The following KIAA0753 variants were observed in gnomAD, a reference collection of about 807,000 sequenced individuals.
KIAA0753 encodes the protein protein moonraker.
Under a neutral mutation model 116.9 loss-of-function variants are expected in KIAA0753, and 114 were observed. The ratio of observed to expected loss-of-function variants is 0.98; its 90% confidence interval spans 0.84 to 1.14. KIAA0753 has a LOEUF of 1.14. Among genes scored for constraint, KIAA0753 ranks in the 50% most tolerant of loss-of-function variants. The pLI, the probability that KIAA0753 is intolerant of heterozygous loss-of-function variation, is 0.00. For synonymous variants in KIAA0753, 405 were observed against 413.1 expected, an observed-to-expected ratio of 0.98 and a Z score of 0.24; for missense variants, 1,156 against 1,172.4, an observed-to-expected ratio of 0.99 and a Z score of 0.20.
intron 15 of KIAA0753, among the ~76,000 whole-genome samples, chr17:6,595,424 T>TA (rs1393805381): frequency 1.3e-5 from 2 of 152,174 alleles, no homozygotes; most frequent in Non-Finnish European, 2.9e-5. Flanking sequence ...ACCCCGGGCC[T>TA]AGACAACTAT....
At chr17:6,616,054 G>A (rs1482696405) in intron 7 of KIAA0753, among the ~76,000 whole-genome samples, 1 of 152,176 alleles carries the variant, frequency 6.6e-6, no homozygotes. Context: ...AGGGTAGAGT[G>A]ATACCTAAAA....
chr17:6,603,955 T>A (rs922620371), intron 12 of KIAA0753, among the ~76,000 whole-genome samples: 2 of 151,994 alleles, frequency 1.3e-5, no homozygotes, highest in Admixed American at 6.6e-5. Context: ...TATACACCCA[T>A]CAGAACGCCT....
intron 7 of KIAA0753, among the ~76,000 whole-genome samples, chr17:6,617,741 A>G (rs1397640605): frequency 6.6e-6 from 1 of 152,228 alleles, no homozygotes; most frequent in Non-Finnish European, 1.5e-5. Context: ...TCCATCCTCC[A>G]GGAAGTGGAG....
intron 3 of KIAA0753, among the ~76,000 whole-genome samples, chr17:6,625,888 G>A (rs1971636169): frequency 6.6e-6 from 1 of 152,094 alleles, no homozygotes; most frequent in Admixed American, 6.5e-5. Flanking sequence ...CTTTAGTAGA[G>A]ACAAGGTTTT....
intron 7 of KIAA0753, among the ~76,000 whole-genome samples, chr17:6,617,544 T>C (rs1373939669): frequency 6.6e-6 from 1 of 152,244 alleles, no homozygotes; most frequent in Non-Finnish European, 1.5e-5. Context: ...TAGGTTCATC[T>C]TTTTTCCTAA....
Position 6,628,578 on chromosome 17 carries a change from G to C in KIAA0753, c.257C>G (p.Ser86Cys), listed in dbSNP as rs1971826675. ...DCRVGPDLGSSVSFSVISQER... is the reference protein window; with the variant it reads ...DCRVGPDLGSCVSFSVISQER... ...TTGGGATATGACGGAAAATGAAACAGAACTGCCCAGGTCAGGACCAACTCT... is the reference window on the plus strand; with the variant it reads ...TTGGGATATGACGGAAAATGAAACACAACTGCCCAGGTCAGGACCAACTCT... The change falls in exon 3 of 19, where the codon TCT becomes TGT. Residue 86 changes from serine (S) to cysteine (C), a missense_variant. Ser to Cys is a moderately radical substitution (Grantham distance 112). Coordinates refer to ENST00000361413, the MANE Select transcript of KIAA0753 (RefSeq NM_014804.3). 8 of 1,614,058 alleles carry C rather than the reference G, an allele frequency of 5.0e-6. No individual in the cohort carries two copies. Among genetic ancestry groups the C allele is most frequent in the Non-Finnish European group, 5.9e-6 (7 of 1,180,032 alleles).
At position 6,610,066 on chromosome 17, in the gene KIAA0753, C is replaced by A. The variant is rs748721188; in HGVS notation, c.1640G>T (p.Arg547Leu). 1 of 1,614,020 alleles carries A rather than the reference C, an allele frequency of 6.2e-7. No homozygotes were observed. Among genetic ancestry groups the A allele is most frequent in the East Asian group, 2.2e-5 (1 of 44,890 alleles). ...TTVSSRLKMNRQPVKDRKAPW... is the reference protein window; with the variant it reads ...TTVSSRLKMNLQPVKDRKAPW... Reference sequence around the variant, plus strand: ...TGCCTTGCGGTCTTTCACAGGCTGCCGGTTCATTTTTAATCTGGATGAAAC... The same window carrying A: ...TGCCTTGCGGTCTTTCACAGGCTGCAGGTTCATTTTTAATCTGGATGAAAC... The change falls in exon 9 of 19, where the codon CGG becomes CTG. Residue 547 changes from arginine (R) to leucine (L), a missense_variant. Transcript: ENST00000361413.
Position 6,624,799 on chromosome 17 carries a change from GCT to G in KIAA0753, c.779_780del (p.Glu260AlafsTer25). On this transcript the variant is annotated frameshift_variant, in exon 4 of 19. Transcript: ENST00000361413. LOFTEE classifies it high-confidence loss of function. ...EERRIRIRRQEQAARSARMLY... is the reference protein window; with the variant it reads ...EERRIRIRRQXQAARSARMLY... ...AGCATTCGGGCAGAGCGAGCAGCTTGCTCCTGTCTCCTGATACGGATTCGACG... is the reference window on the plus strand; with the variant it reads ...AGCATTCGGGCAGAGCGAGCAGCTTGCCTGTCTCCTGATACGGATTCGACG... The G allele has an allele frequency of 6.4e-7, 1 of 1,564,274 alleles. No homozygotes were observed. Among genetic ancestry groups the G allele is most frequent in the Non-Finnish European group, 8.7e-7 (1 of 1,152,346 alleles).
At chr17:6,592,750 A>G (rs1280684733) in intron 16 of KIAA0753, among the ~76,000 whole-genome samples, 5 of 152,238 alleles carry the variant, frequency 3.3e-5, no homozygotes, top group African/African-American at 1.2e-4. Context: ...CCCACTTAGG[A>G]GTAGGTAAAG....
chr17:6,595,491 C>CA (rs569470065), intron 15 of KIAA0753, among the ~76,000 whole-genome samples: 14,646 of 147,606 alleles, frequency 0.099, 1,353 homozygotes, highest in African/African-American at 0.24. Flanking sequence ...CTTTCAAATC[C>CA]AAAAAAAAAA....
At chr17:6,596,076 G>A (rs1969455513) in intron 15 of KIAA0753, 82 bp downstream of exon 15, 1 of 1,328,022 alleles carries the variant, frequency 7.5e-7, no homozygotes, top group Non-Finnish European at 1.1e-6. Context: ...TAACAGATGA[G>A]GCTGCAGAGG....
chr17:6,624,685 G>T, intron 4 of KIAA0753, 70 bp downstream of exon 4: 1 of 1,029,612 alleles, frequency 9.7e-7, no homozygotes, highest in Non-Finnish European at 1.5e-6. Flanking sequence ...GAGACAAAAG[G>T]AAAACAGAAA....
chr17:6,611,969 C>T lies in KIAA0753; in HGVS notation c.1495G>A (p.Glu499Lys), dbSNP rs776681196. 1.2e-6 allele frequency: 2 copies of T among 1,614,150 alleles called. No homozygotes were observed. Among genetic ancestry groups the T allele is most frequent in the South Asian group, 2.2e-5 (2 of 91,088 alleles). ...TKAGKKKPVTENVPFRKKDTL... is the reference protein window; with the variant it reads ...TKAGKKKPVTKNVPFRKKDTL... The stretch of plus-strand genomic sequence containing the variant: ...TCTTTCTTCCTAAACGGCACATTCT[C>T]AGTCACAGGCTTCTTTTTCCCTGCT... Residue 499 changes from glutamate (E) to lysine (K), a missense_variant, in exon 8 of 19, where the codon GAG becomes AAG. Transcript: ENST00000361413.
chr17:6,631,915 C>T (rs1237261300), intron 2 of KIAA0753, among the ~76,000 whole-genome samples: 4 of 152,074 alleles, frequency 2.6e-5, no homozygotes, highest in Admixed American at 6.5e-5. Flanking sequence ...ATTTATGAGA[C>T]GGAGTCACCC....
At chr17:6,598,851 G>A (rs770035945) in intron 14 of KIAA0753, among the ~76,000 whole-genome samples, 4 of 152,118 alleles carry the variant, frequency 2.6e-5, no homozygotes, top group Non-Finnish European at 4.4e-5. Context: ...ATAAATATTA[G>A]GCCCCAAGTA....
intron 7 of KIAA0753, 39 bp downstream of exon 7, chr17:6,620,749 G>A: frequency 1.3e-6 from 2 of 1,579,028 alleles, no homozygotes; most frequent in South Asian, 1.1e-5. Flanking sequence ...TAATTGTAAT[G>A]AATAAAATGT....
At chr17:6,582,924 C>T (rs1342004888) in intron 18 of KIAA0753, among the ~76,000 whole-genome samples, 1 of 152,196 alleles carries the variant, frequency 6.6e-6, no homozygotes, top group African/African-American at 2.4e-5. Flanking sequence ...ATATTTTAAA[C>T]GTGTGAGTAC....
At chr17:6,629,175 T>C (rs1383527392) in intron 2 of KIAA0753, among the ~76,000 whole-genome samples, 2 of 152,236 alleles carry the variant, frequency 1.3e-5, no homozygotes, top group Non-Finnish European at 2.9e-5. Flanking sequence ...TCTTCAGGTC[T>C]TCCTGAGACT....
At chr17:6,588,937 G>A (rs1317260324) in intron 18 of KIAA0753, among the ~76,000 whole-genome samples, 4 of 152,140 alleles carry the variant, frequency 2.6e-5, no homozygotes, top group East Asian at 1.9e-4. Flanking sequence ...TCAGAGGCCT[G>A]CTACTGATAA....
Sources: allele counts gnomAD v4.1 joint callset (sites outside exome capture counted in the v4.1 genomes callset), GRCh38; gene constraint gnomAD v4.1.1; transcripts MANE v1.5; gene names NCBI Gene and HGNC (gene_info 2026-07-23, HGNC 2026-07-21).